The following KDM1A variants were observed in gnomAD, a reference collection of about 807,000 sequenced individuals.
KDM1A encodes lysine-specific histone demethylase 1A.
KDM1A carries 49 observed loss-of-function variants against 109.4 expected under a neutral mutation model. The ratio of observed to expected loss-of-function variants is 0.45; its 90% CI spans 0.36 to 0.57. The LOEUF (loss-of-function observed/expected upper bound fraction) is 0.57. Ranked by LOEUF, KDM1A falls within the 20% of genes least tolerant of loss-of-function variation. KDM1A has a pLI of 0.00. For missense variants in KDM1A, 668 were observed against 1,116.6 expected (o/e 0.60, Z 5.73); for synonymous variants, 380 against 415.4 (o/e 0.91, Z 1.04).
At chr1:23,038,254 TTGTGTGTGTGTGTGTG>T (rs56016343) in intron 2 of KDM1A, among the ~76,000 whole-genome samples, 11 of 149,208 alleles carry the variant, frequency 7.4e-5, no homozygotes, top group African/African-American at 2.0e-4. Flanking sequence ...CTGGAACTGT[TTGTGTGTGTGTGTGTG>T]TGTGTGTGTG....
At chr1:23,066,026 A>G (rs1643150847) in intron 9 of KDM1A, 34 bp from the exon 10 acceptor site, 1 of 1,605,160 alleles carries the variant, frequency 6.2e-7, no homozygotes, top group Admixed American at 1.7e-5. Flanking sequence ...TGTTATTTAC[A>G]GTTTATTTCT....
chr1:23,040,466 A>G (rs1266601783), intron 2 of KDM1A, among the ~76,000 whole-genome samples: 1 of 152,200 alleles, frequency 6.6e-6, no homozygotes, highest in Non-Finnish European at 1.5e-5. Context: ...TTCATTTTCA[A>G]TTTGGAGTAG....
chr1:23,042,320 C>T (rs1272987677), intron 2 of KDM1A, among the ~76,000 whole-genome samples: 2 of 151,700 alleles, frequency 1.3e-5, no homozygotes, highest in Non-Finnish European at 2.9e-5. Flanking sequence ...TTTCATTGTT[C>T]TGAGTCCCTC....
rs773344793 is a variant in KDM1A at position 23,030,646 on chromosome 1, T to C, written c.517+12T>C. On this transcript the variant is annotated intron_variant, in intron 2 of 20. Transcript: ENST00000400181. The stretch of plus-strand genomic sequence containing the variant: ...TGAAGAACCATCGGGTGAGTTGTAG[T>C]ATCCAACCACAGTTCTGTTTTATCT... The C allele has an allele frequency of 6.5e-7, 1 of 1,530,522 alleles. No homozygotes were observed. The highest frequency in any genetic ancestry group is 1.3e-5 in the South Asian group (1 of 75,944). 94.8% of individuals were successfully genotyped at this position (1,530,522 alleles called of 1,614,324 possible).
At chr1:23,026,104 A>C (rs1241004791) in intron 1 of KDM1A, among the ~76,000 whole-genome samples, 1 of 152,166 alleles carries the variant, frequency 6.6e-6, no homozygotes, top group Non-Finnish European at 1.5e-5. Context: ...AATAAAAATA[A>C]AAATAAAAAA....
intron 1 of KDM1A, among the ~76,000 whole-genome samples, chr1:23,028,066 G>A (rs1376337014): frequency 6.6e-6 from 1 of 152,126 alleles, no homozygotes; most frequent in African/African-American, 2.4e-5. Flanking sequence ...TTTTCCAAGT[G>A]TATTCCTTGT....
chr1:23,043,015 A>C (rs616501), intron 2 of KDM1A, among the ~76,000 whole-genome samples: 123,402 of 152,136 alleles, frequency 0.81, 50,448 homozygotes, highest in Non-Finnish European at 0.83. Flanking sequence ...TCCCAAAGTG[A>C]TGGGATTACA....
rs1231258234 is a variant in KDM1A at position 23,055,090 on chromosome 1, G to A, written c.812G>A (p.Arg271Gln). Residue 271 changes from arginine (R) to glutamine (Q), a missense_variant, in exon 6 of 21, where the codon CGA becomes CAA. This residue lies in a region of KDM1A where 149 missense variants were observed against 189.7 expected (regional missense o/e 0.79). Transcript: ENST00000400181. ...PYNSDTVLVH[R>Q]VHSYLERHGL... ...GTAGGTGATACTGTGCTTGTCCACC[G>A]AGTTCACAGTTATTTAGAGCGTCAT... The A allele has an allele frequency of 3.1e-6, 5 of 1,610,350 alleles. No homozygotes were observed. The highest frequency in any genetic ancestry group is 4.2e-6 in the Non-Finnish European group (5 of 1,178,274).
At chr1:23,020,957 G>T (rs1216277160) in intron 1 of KDM1A, among the ~76,000 whole-genome samples, 2 of 152,152 alleles carry the variant, frequency 1.3e-5, no homozygotes. Flanking sequence ...GAGATTTAAT[G>T]GTCGGTCTAG....
chr1:23,057,222 T>C (rs570611222), intron 7 of KDM1A, among the ~76,000 whole-genome samples: 89 of 152,230 alleles, frequency 5.8e-4, no homozygotes, highest in Non-Finnish European at 1.1e-3. Context: ...CTGTCAAGAC[T>C]GTTTTATATC....
At chr1:23,033,393 G>A (rs74691617) in intron 2 of KDM1A, among the ~76,000 whole-genome samples, 10 of 151,956 alleles carry the variant, frequency 6.6e-5, no homozygotes, top group East Asian at 5.8e-4. Context: ...GTAGTGGCAC[G>A]TGCCTGTAAT....
At chr1:23,069,259 C>A in intron 12 of KDM1A, 108 bp downstream of exon 12, 1 of 636,938 alleles carries the variant, frequency 1.6e-6, no homozygotes, top group East Asian at 2.9e-5. Context: ...AAGAGAAAGT[C>A]TGCACAGCTG....
chr1:23,024,959 A>G (rs1010373661), intron 1 of KDM1A, among the ~76,000 whole-genome samples: 7 of 152,234 alleles, frequency 4.6e-5, no homozygotes, highest in African/African-American at 1.7e-4. Context: ...TGGACAACTG[A>G]ATGTTGAGAA....
Position 23,059,185 on chromosome 1 carries a change from A to G in KDM1A, c.1167+18A>G, listed in dbSNP as rs1264650094. Reference sequence around the variant, plus strand: ...GACAAGCTGTAAGTCGAGGACAAACAGAACTTTCAACATTTCTTTGGTTCA... The same window carrying G: ...GACAAGCTGTAAGTCGAGGACAAACGGAACTTTCAACATTTCTTTGGTTCA... On this transcript the variant is annotated intron_variant, in intron 9 of 20. Transcript: ENST00000400181. 6.3e-7 allele frequency: 1 copy of G among 1,593,552 alleles called. No individual in the cohort carries two copies. The highest frequency in any genetic ancestry group is 2.2e-5 in the East Asian group (1 of 44,602).
chr1:23,031,650 A>G (rs779230224), intron 2 of KDM1A, among the ~76,000 whole-genome samples: 5 of 151,870 alleles, frequency 3.3e-5, no homozygotes, highest in Non-Finnish European at 7.4e-5. Context: ...GCTTCACTTT[A>G]GGGCATTACC....
At chr1:23,082,923 G>GT in intron 20 of KDM1A, 2 of 342,252 alleles carry the variant, frequency 5.8e-6, no homozygotes, top group South Asian at 1.1e-4. Context: ...TTACAACTGG[G>GT]TATCTAAACT....
intron 3 of KDM1A, among the ~76,000 whole-genome samples, chr1:23,047,590 A>G (rs747997244): frequency 4.6e-5 from 7 of 152,162 alleles, no homozygotes; most frequent in African/African-American, 7.2e-5. Context: ...AGCCAACTAC[A>G]TTAGAGTGAT....
Position 23,079,922 on chromosome 1 carries a change from T to A in KDM1A, c.2170+255T>A, listed in dbSNP as rs12088067. Among the ~76,000 whole-genome samples, 7,172 of 152,150 alleles carry A rather than the reference T, an allele frequency of 0.047. 581 individuals carry two copies. The highest frequency in any genetic ancestry group is 0.16 in the African/African-American group (6,770 of 41,458). On this transcript the variant is annotated intron_variant, in intron 18 of 20. Transcript: ENST00000400181. This position sits in a 1 kb window ranked among gnomAD's most constrained non-coding sequence, Gnocchi z 5.6. ...TGGCCTGATGGGCTGAACGCCCAGG[T>A]TACTGGAGGTCCACTCAGCCTGGAG... is the stretch of plus-strand genomic sequence containing the variant.
intron 2 of KDM1A, among the ~76,000 whole-genome samples, chr1:23,040,067 C>T (rs1642261956): frequency 6.6e-6 from 1 of 152,214 alleles, no homozygotes; most frequent in Non-Finnish European, 1.5e-5. Context: ...GTAGGTTGGC[C>T]TTCACTTTTA....
Sources: allele counts gnomAD v4.1 joint callset (sites outside exome capture counted in the v4.1 genomes callset), GRCh38; gene constraint gnomAD v4.1.1; regional missense constraint gnomAD v4.1.1; non-coding constraint Gnocchi (gnomAD v3.1); transcripts MANE v1.5; gene names NCBI Gene and HGNC (gene_info 2026-07-23, HGNC 2026-07-21).